The following SLAIN2 variants were observed in gnomAD, a reference collection of about 807,000 sequenced individuals.
SLAIN2 encodes SLAIN motif-containing protein 2.
A neutral mutation model predicts 56.6 loss-of-function variants in SLAIN2; 31 were observed. The ratio of observed to expected loss-of-function variants is 0.55; its 90% CI spans 0.41 to 0.74. The LOEUF is 0.74. SLAIN2 is among the 30% of genes least tolerant of loss of function. The probability of loss-of-function intolerance (pLI) is 0.00; values close to 1 mark genes in which losing one functional copy is unlikely to be tolerated. For synonymous variants in SLAIN2, 317 were observed against 284.9 expected (o/e 1.11, Z -1.13); for missense variants, 777 against 754.2 (o/e 1.03, Z -0.35).
intron 6 of SLAIN2, among the ~76,000 whole-genome samples, chr4:48,393,387 TGTGTGTGTGTGTGTG>T (rs796757136): frequency 0.28 from 2,848 of 10,180 alleles, 101 homozygotes; most frequent in African/African-American, 0.48. Flanking sequence ...ATGTCTGGCT[TGTGTGTGTGTGTGTG>T]TGTGTGTGTG....
intron 2 of SLAIN2, among the ~76,000 whole-genome samples, chr4:48,373,708 A>G (rs1341445590): frequency 3.3e-5 from 5 of 152,150 alleles, no homozygotes; most frequent in Non-Finnish European, 7.3e-5. Context: ...ATGATGTTTG[A>G]CCTGAAACCT....
chr4:48,353,486 T>C (rs1303719584), intron 1 of SLAIN2, among the ~76,000 whole-genome samples: 1 of 152,164 alleles, frequency 6.6e-6, no homozygotes, highest in Non-Finnish European at 1.5e-5. Flanking sequence ...AGGAAACTTT[T>C]TTTTTCCTTT....
rs372874208 is a variant in SLAIN2, at chr4:48,358,621, A to G, written c.390-11228A>G. ...GTGAGCCACTGCGCGCGGCCCAACA[A>G]AGCTTGTTAAAGCATTATAAGCAAT... is the stretch of plus-strand genomic sequence containing the variant. On this transcript the variant is annotated intron_variant, in intron 1 of 7. Coordinates refer to ENST00000264313, the MANE Select transcript of SLAIN2 (RefSeq NM_020846.2). Among the ~76,000 whole-genome samples, 27 of 152,178 alleles carry G rather than the reference A, an allele frequency of 1.8e-4. No individual in the cohort carries two copies. In the East Asian group the frequency reaches 4.5e-3, roughly 25 times the overall value.
At chr4:48,398,532 G>A (rs959055385) in intron 6 of SLAIN2, among the ~76,000 whole-genome samples, 2 of 152,138 alleles carry the variant, frequency 1.3e-5, no homozygotes. Context: ...TGCGTTTGTT[G>A]CAATTGCTTT....
intron 7 of SLAIN2, among the ~76,000 whole-genome samples, chr4:48,421,007 TTTTTGTTTTTG>T (rs532523672): frequency 1.5e-3 from 225 of 150,678 alleles, no homozygotes; most frequent in Non-Finnish European, 2.5e-3. Flanking sequence ...TTTTGTTTTG[TTTTTGTTTTTG>T]TTTTGTTTTT....
At chr4:48,358,981 A>T (rs1221423089) in intron 1 of SLAIN2, among the ~76,000 whole-genome samples, 2 of 152,160 alleles carry the variant, frequency 1.3e-5, no homozygotes, top group Non-Finnish European at 2.9e-5. Context: ...TCAGCCTCCC[A>T]AAGTGCTGGG....
At chr4:48,372,911 T>C (rs1715706950) in intron 2 of SLAIN2, among the ~76,000 whole-genome samples, 1 of 152,192 alleles carries the variant, frequency 6.6e-6, no homozygotes. Context: ...TACACTTTTT[T>C]GGTAAGGCAG....
At chr4:48,383,973 T>C (rs1577724620) in intron 6 of SLAIN2, 189 bp downstream of exon 6, 1 of 579,088 alleles carries the variant, frequency 1.7e-6, no homozygotes, top group African/African-American at 1.9e-5. Context: ...AAATTTTCTA[T>C]GTAGGATACT....
intron 1 of SLAIN2, among the ~76,000 whole-genome samples, chr4:48,349,189 G>A (rs1354256770): frequency 7.9e-5 from 12 of 151,940 alleles, no homozygotes; most frequent in East Asian, 3.9e-4. Context: ...TATATTTAAC[G>A]CAACCACCTT....
At chr4:48,342,469 G>T (rs1179614860) in intron 1 of SLAIN2, among the ~76,000 whole-genome samples, 1 of 152,162 alleles carries the variant, frequency 6.6e-6, no homozygotes, top group Non-Finnish European at 1.5e-5. Flanking sequence ...ATCCTGCTTT[G>T]TGTAAGATAC....
intron 6 of SLAIN2, among the ~76,000 whole-genome samples, chr4:48,390,328 C>T (rs561670784): frequency 6.6e-6 from 1 of 152,120 alleles, no homozygotes; most frequent in African/African-American, 2.4e-5. Context: ...ATCCTCCCGC[C>T]TCGGCCTCCC....
At chr4:48,362,383 T>TTC (rs371621625) in intron 1 of SLAIN2, among the ~76,000 whole-genome samples, 6 of 150,772 alleles carry the variant, frequency 4.0e-5, no homozygotes, top group Admixed American at 1.3e-4. Context: ...ATTTATTTAT[T>TTC]TCTCTCTCTC....
chr4:48,352,717 C>T (rs1715043877), intron 1 of SLAIN2, among the ~76,000 whole-genome samples: 2 of 152,294 alleles, frequency 1.3e-5, no homozygotes, highest in South Asian at 2.1e-4. Context: ...CCAGAAATAA[C>T]TAGTACTGTA....
chr4:48,377,811 A>T, intron 2 of SLAIN2, 85 bp from the exon 3 acceptor site: 2 of 1,240,112 alleles, frequency 1.6e-6, no homozygotes, highest in Non-Finnish European at 2.3e-6. Flanking sequence ...ATAATGATTT[A>T]GTTTTCTAAT....
chr4:48,360,153 C>CAAAA (rs34874508), intron 1 of SLAIN2, among the ~76,000 whole-genome samples: 1 of 119,698 alleles, frequency 8.4e-6, no homozygotes, highest in Non-Finnish European at 1.7e-5. Context: ...GACTCTGTCT[C>CAAAA]AAAAAAAAAA....
At chr4:48,342,951 C>T (rs1714766782) in intron 1 of SLAIN2, among the ~76,000 whole-genome samples, 1 of 152,012 alleles carries the variant, frequency 6.6e-6, no homozygotes, top group African/African-American at 2.4e-5. Flanking sequence ...ATTGTGGCCC[C>T]CCCACCTTAA....
intron 6 of SLAIN2, among the ~76,000 whole-genome samples, chr4:48,394,238 G>C (rs1167853007): frequency 6.6e-6 from 1 of 152,134 alleles, no homozygotes; most frequent in Non-Finnish European, 1.5e-5. Context: ...CTGTGTGCTT[G>C]TGTTCATCAC....
chr4:48,395,930 C>G (rs1716368953), intron 6 of SLAIN2, among the ~76,000 whole-genome samples: 1 of 148,712 alleles, frequency 6.7e-6, no homozygotes, highest in African/African-American at 2.5e-5. Context: ...GGCAGGAGAT[C>G]ACTATACCAT....
chr4:48,401,353 T>A (rs1284970667), intron 6 of SLAIN2, among the ~76,000 whole-genome samples: 1 of 152,240 alleles, frequency 6.6e-6, no homozygotes, highest in African/African-American at 2.4e-5. Context: ...CTCGATGTTC[T>A]GTCTAATATT....
Sources: gnomAD v4.1 joint callset for allele counts (sites outside exome capture counted in the v4.1 genomes callset) on GRCh38, gnomAD v4.1.1 for gene constraint, MANE v1.5 for transcripts, NCBI Gene and HGNC (gene_info 2026-07-23, HGNC 2026-07-21) for gene names.